Variants in SELP observed in about 807,000 individuals in gnomAD.
SELP encodes selectin P.
SELP carries 92 observed loss-of-function variants against 104.1 expected under a neutral mutation model. The ratio of observed to expected loss-of-function variants is 0.88; its 90% CI spans 0.75 to 1.05. The LOEUF (loss-of-function observed/expected upper bound fraction) is 1.05. SELP is among the 50% of genes least tolerant of loss of function. SELP has a pLI of 0.00. For synonymous variants in SELP, 397 were observed against 364.5 expected (o/e 1.09, Z -1.01); for missense variants, 1,022 against 1,017.3 (o/e 1.00, Z -0.06).
chr1:169,609,440 G>A, intron 8 of SELP, 64 bp downstream of exon 8: 1 of 1,475,102 alleles, frequency 6.8e-7, no homozygotes, highest in South Asian at 1.3e-5. Flanking sequence ...CCAATGCTCA[G>A]TGCAGATGCT....
chr1:169,604,302 G>A (rs1187084940), intron 9 of SELP, among the ~76,000 whole-genome samples: 2 of 151,762 alleles, frequency 1.3e-5, no homozygotes, highest in African/African-American at 4.8e-5. Flanking sequence ...GGGGTTGTTT[G>A]TTTTTTTCTT....
chr1:169,629,215 A>T (rs1257179620), intron 1 of SELP, among the ~76,000 whole-genome samples: 1 of 152,214 alleles, frequency 6.6e-6, no homozygotes, highest in African/African-American at 2.4e-5. Context: ...TCTTCCCTGA[A>T]TTAGAAGTAG....
intron 10 of SELP, among the ~76,000 whole-genome samples, chr1:169,600,147 C>T (rs888288621): frequency 3.3e-5 from 5 of 150,530 alleles, no homozygotes; most frequent in Non-Finnish European, 4.4e-5. Flanking sequence ...AAGGCAGAGA[C>T]AAGGCTGAAA....
chr1:169,627,498 C>T (rs1663429365), intron 1 of SELP, among the ~76,000 whole-genome samples: 1 of 152,152 alleles, frequency 6.6e-6, no homozygotes, highest in African/African-American at 2.4e-5. Flanking sequence ...TATATCTCTA[C>T]AAATAGTGAG....
rs1218861199 is a variant in SELP at position 169,603,215 on chromosome 1, T to C, written c.1520-4A>G. ...AGCAAAGGTGTGCAGGGAATGGCTA[T>C]CATGGGCATGGCAGAGGAGAAAAGA... is the stretch of plus-strand genomic sequence containing the variant. On this transcript the variant is annotated splice_region_variant and splice_polypyrimidine_tract_variant and intron_variant, in intron 9 of 16. Coordinates refer to ENST00000263686, the MANE Select transcript of SELP (RefSeq NM_003005.4). The C allele has an allele frequency of 5.6e-6, 9 of 1,608,500 alleles. No homozygotes were observed. The highest frequency in any genetic ancestry group is 1.3e-5 in the African/African-American group (1 of 74,802).
At position 169,609,532 on chromosome 1, in the gene SELP, C is replaced by A; in HGVS notation, c.1305G>T (p.Gln435His). 1 of 1,613,814 alleles carries A rather than the reference C, an allele frequency of 6.2e-7. No homozygotes were observed. The highest frequency in any genetic ancestry group is 8.5e-7 in the Non-Finnish European group (1 of 1,179,808). The change falls in exon 8 of 17, where the codon CAG (glutamine) becomes CAT (histidine). Residue 435 changes from glutamine to histidine, a missense_variant. Physicochemically the swap from Gln to His is conservative, Grantham distance 24. Coordinates refer to ENST00000263686, the MANE Select transcript of SELP (RefSeq NM_003005.4). ...ADIVRCDNLG[Q>H]WTAPAPVCQA... Reference sequence around the variant, plus strand: ...GACAGACTGGGGCTGGTGCTGTCCACTGTCCCAAGTTATCACACCGAACTA... The same window carrying A: ...GACAGACTGGGGCTGGTGCTGTCCAATGTCCCAAGTTATCACACCGAACTA...
chr1:169,613,842 C>T, intron 3 of SELP, 149 bp from the exon 4 acceptor site: 2 of 647,510 alleles, frequency 3.1e-6, no homozygotes, highest in Admixed American at 2.5e-5. Context: ...GAGAGCCAAC[C>T]TGTCCCTTGT....
chr1:169,596,217 CT>C (rs1353934670), intron 11 of SELP, 83 bp from the exon 12 acceptor site: 2 of 1,227,790 alleles, frequency 1.6e-6, no homozygotes, highest in Non-Finnish European at 2.4e-6. Context: ...GGAATAACTG[CT>C]TTTCACTCCC....
intron 10 of SELP, among the ~76,000 whole-genome samples, 153 bp downstream of exon 10, chr1:169,602,873 T>G (rs1661974738): frequency 6.6e-6 from 1 of 152,236 alleles, no homozygotes; most frequent in East Asian, 1.9e-4. Flanking sequence ...AAATATTATT[T>G]AAAGAGAGGG....
At chr1:169,614,547 G>C (rs891405256) in intron 3 of SELP, among the ~76,000 whole-genome samples, 7 of 152,188 alleles carry the variant, frequency 4.6e-5, no homozygotes, top group Non-Finnish European at 7.4e-5. Context: ...GGTCATAGTT[G>C]GGGGTAAGTT....
intron 1 of SELP, among the ~76,000 whole-genome samples, chr1:169,626,175 G>A (rs936384909): frequency 6.6e-6 from 1 of 152,202 alleles, no homozygotes; most frequent in African/African-American, 2.4e-5. Flanking sequence ...ACATTAGTGT[G>A]GCCAGAATGG....
At chr1:169,607,493 T>G (rs994004727) in intron 8 of SELP, among the ~76,000 whole-genome samples, 2 of 152,120 alleles carry the variant, frequency 1.3e-5, no homozygotes, top group Non-Finnish European at 2.9e-5. Context: ...ACAAATGCCA[T>G]TAATTGAGGG....
At chr1:169,604,331 A>G (rs555072617) in intron 9 of SELP, among the ~76,000 whole-genome samples, 1 of 151,786 alleles carries the variant, frequency 6.6e-6, no homozygotes, top group African/African-American at 2.4e-5. Context: ...GTTTGAGTTC[A>G]TTGTAGATTC....
At chr1:169,628,011 T>C (rs1463472754) in intron 1 of SELP, among the ~76,000 whole-genome samples, 1 of 152,246 alleles carries the variant, frequency 6.6e-6, no homozygotes, top group Admixed American at 6.5e-5. Context: ...TTGTCCTGCC[T>C]CAGCCTCCTG....
chr1:169,610,456 T>C (rs1645264746), intron 7 of SELP, among the ~76,000 whole-genome samples: 1 of 152,182 alleles, frequency 6.6e-6, no homozygotes, highest in African/African-American at 2.4e-5. Context: ...ACTACCTCTT[T>C]GCTCTGGGCT....
intron 8 of SELP, among the ~76,000 whole-genome samples, chr1:169,608,154 T>C (rs1269200544): frequency 6.6e-6 from 1 of 151,882 alleles, no homozygotes; most frequent in African/African-American, 2.4e-5. Context: ...TTTCTTTTTT[T>C]TTTTTTTTGC....
rs781186576 is a variant in SELP at position 169,603,017 on chromosome 1, A to C, written c.1705+9T>G. ...TAAAGCCATAAGAAAGGACAGACCC[A>C]CAGCCTACCTTCACACATTGGTGGG... is the stretch of plus-strand genomic sequence containing the variant. On this transcript the variant is annotated intron_variant, in intron 10 of 16. Coordinates refer to ENST00000263686, the MANE Select transcript of SELP (RefSeq NM_003005.4). The C allele has an allele frequency of 5.6e-6, 9 of 1,606,390 alleles. No individual in the cohort carries two copies. The South Asian group carries it at 1.0e-4, about 18-fold the overall frequency.
intron 3 of SELP, among the ~76,000 whole-genome samples, chr1:169,616,480 T>A (rs572138447): frequency 1.3e-5 from 2 of 152,332 alleles, no homozygotes; most frequent in South Asian, 4.1e-4. Context: ...ACCTGACTGA[T>A]GGAGTTGTCA....
At chr1:169,592,508 A>T (rs1302840394) in intron 14 of SELP, among the ~76,000 whole-genome samples, 1 of 152,148 alleles carries the variant, frequency 6.6e-6, no homozygotes, top group Non-Finnish European at 1.5e-5. Context: ...TTCTATGAGG[A>T]GTGATGAAGA....
Sources: allele counts gnomAD v4.1 joint callset (sites outside exome capture counted in the v4.1 genomes callset), GRCh38; gene constraint gnomAD v4.1.1; transcripts MANE v1.5; gene names NCBI Gene and HGNC (gene_info 2026-07-23, HGNC 2026-07-21).